Variants in SAA1 observed in about 807,000 individuals in gnomAD.
SAA1 encodes serum amyloid A-1 protein.
Under a neutral mutation model 9.8 loss-of-function variants are expected in SAA1, and 4 were observed. That is an observed-to-expected ratio of 0.41 (90% CI 0.20 to 0.93). The LOEUF is 0.93. Ranked by LOEUF, SAA1 falls within the 40% of genes least tolerant of loss-of-function variation. SAA1 has a pLI of 0.33. For missense variants in SAA1, 114 were observed against 155.5 expected, an observed-to-expected ratio of 0.73 and a Z score of 1.42; for synonymous variants, 47 against 57.7, an observed-to-expected ratio of 0.82 and a Z score of 0.84.
intron 2 of SAA1, among the ~76,000 whole-genome samples, chr11:18,268,562 G>A (rs1405049310): frequency 2.0e-5 from 3 of 151,738 alleles, no homozygotes; most frequent in Non-Finnish European, 2.9e-5. Flanking sequence ...GTCGGGGTGC[G>A]GTGGCTCACG....
chr11:18,269,626 T>C (rs1489545220), intron 3 of SAA1, 91 bp from the exon 4 acceptor site: 4 of 1,537,080 alleles, frequency 2.6e-6, no homozygotes, highest in South Asian at 1.2e-5. Flanking sequence ...GGCTCCTCTC[T>C]GAGCCCTCCC....
intron 2 of SAA1, among the ~76,000 whole-genome samples, chr11:18,268,831 TAAAAAAAAAAAAAAAAA>T (rs371021832): frequency 1.8e-5 from 2 of 110,594 alleles, no homozygotes; most frequent in South Asian, 3.1e-4. Flanking sequence ...AGACTCTGTC[TAAAAAAAAAAAAAAAAA>T]AAAAAAAAAA....
chr11:18,268,664 C>T (rs185125217), intron 2 of SAA1, among the ~76,000 whole-genome samples: 48 of 152,028 alleles, frequency 3.2e-4, no homozygotes, highest in African/African-American at 1.1e-3. Context: ...AAATCCCCGT[C>T]TCTACTAAAA....
intron 2 of SAA1, among the ~76,000 whole-genome samples, chr11:18,268,867 T>C (rs112287991): frequency 1.4e-5 from 1 of 72,462 alleles, no homozygotes; most frequent in Non-Finnish European, 2.8e-5. Flanking sequence ...AAAAAAAGAA[T>C]ATAAACTTTA....
intron 2 of SAA1, among the ~76,000 whole-genome samples, chr11:18,268,949 A>C (rs1375492895): frequency 6.6e-6 from 1 of 151,650 alleles, no homozygotes; most frequent in Non-Finnish European, 1.5e-5. Flanking sequence ...TACCTCATTC[A>C]TACACACTCC....
Position 18,269,956 on chromosome 11 carries a change from TAA to T in SAA1, c.*102_*103del. The T allele has an allele frequency of 1.0e-5, 16 of 1,547,986 alleles. No individual in the cohort carries two copies. Among genetic ancestry groups the T allele is most frequent in the Non-Finnish European group, 1.3e-5 (15 of 1,148,316 alleles). On this transcript the variant is annotated 3_prime_UTR_variant, in exon 4 of 4. Coordinates refer to ENST00000356524, the MANE Select transcript of SAA1 (RefSeq NM_199161.5). ...ACACAATGGGTATCTAATAAATACT[TAA>T]GAGGTGGAATTTGTGGAAACTGGGT...
At chr11:18,269,669 G>A in intron 3 of SAA1, 48 bp from the exon 4 acceptor site, 1 of 1,607,440 alleles carries the variant, frequency 6.2e-7, no homozygotes, top group Non-Finnish European at 8.5e-7. Context: ...GTGGGCTATT[G>A]CTCACTGGCC....
chr11:18,269,228 T>A lies in SAA1; in HGVS notation c.125T>A (p.Met42Lys). 6.2e-7 allele frequency: 1 copy of A among 1,603,122 alleles called. No individual in the cohort carries two copies. Among genetic ancestry groups the A allele is most frequent in the Non-Finnish European group, 8.5e-7 (1 of 1,175,586 alleles). The stretch of plus-strand genomic sequence containing the variant: ...GACATGTGGAGAGCCTACTCTGACA[T>A]GAGAGAAGCCAATTACATCGGCTCA... Reference protein sequence around the residue: ...ARDMWRAYSDMREANYIGSDK... With the variant: ...ARDMWRAYSDKREANYIGSDK... Residue 42 changes from methionine (M) to lysine (K), a missense_variant, in exon 3 of 4, where the codon ATG becomes AAG. This residue lies in a region of SAA1 where 46 missense variants were observed against 100.8 expected (regional missense o/e 0.46). Transcript: ENST00000356524.
At chr11:18,269,089 A>T (rs76109393) in intron 2 of SAA1, 106 bp from the exon 3 acceptor site, 301,626 of 1,517,350 alleles carry the variant, frequency 0.2, 405 homozygotes, top group East Asian at 0.25. Flanking sequence ...CACAGGCTGA[A>T]AGCTTGAAGT....
rs1226683472 is a variant in SAA1 at position 18,269,744 on chromosome 11, C to G, written c.258C>G (p.Phe86Leu). 2 of 1,614,022 alleles carry G rather than the reference C, an allele frequency of 1.2e-6. No individual in the cohort carries two copies. The highest frequency in any genetic ancestry group is 1.7e-6 in the Non-Finnish European group (2 of 1,179,890). ...ATGCCAGAGAGAATATCCAGAGATTCTTTGGCCATGGTGCGGAGGACTCGC... is the reference window on the plus strand; with the variant it reads ...ATGCCAGAGAGAATATCCAGAGATTGTTTGGCCATGGTGCGGAGGACTCGC... Reference protein sequence around the residue: ...ITDARENIQRFFGHGAEDSLA... With the variant: ...ITDARENIQRLFGHGAEDSLA... Residue 86 changes from phenylalanine to leucine, a missense_variant, in exon 4 of 4, where the codon TTC becomes TTG. Transcript: ENST00000356524.
At chr11:18,268,204 C>T (rs984894321) in intron 2 of SAA1, among the ~76,000 whole-genome samples, 1 of 151,788 alleles carries the variant, frequency 6.6e-6, no homozygotes, top group Non-Finnish European at 1.5e-5. Context: ...AACCCCGTCT[C>T]TACTAAAAAT....
intron 3 of SAA1, among the ~76,000 whole-genome samples, 177 bp from the exon 4 acceptor site, chr11:18,269,540 T>C (rs553026688): frequency 4.6e-5 from 7 of 152,162 alleles, no homozygotes; most frequent in Non-Finnish European, 1.0e-4. Flanking sequence ...GTGCTGTTCA[T>C]CCAGCCTAGG....
Position 18,269,758 on chromosome 11 carries a change from C to G in SAA1, c.272C>G (p.Ala91Gly). 1 of 1,613,960 alleles carries G rather than the reference C, an allele frequency of 6.2e-7. No individual in the cohort carries two copies. Among genetic ancestry groups the G allele is most frequent in the South Asian group, 1.1e-5 (1 of 91,076 alleles). Residue 91 changes from alanine to glycine, a missense_variant, in exon 4 of 4, where the codon GCG becomes GGG. This residue lies in a region of SAA1 where 68 missense variants were observed against 54.7 expected (regional missense o/e 1.24). Transcript: ENST00000356524. ...ATCCAGAGATTCTTTGGCCATGGTGCGGAGGACTCGCTGGCTGATCAGGCT... is the reference window on the plus strand; with the variant it reads ...ATCCAGAGATTCTTTGGCCATGGTGGGGAGGACTCGCTGGCTGATCAGGCT... The part of the protein sequence containing the change: ...ENIQRFFGHG[A>G]EDSLADQAAN...
At chr11:18,268,819 C>T (rs1301767368) in intron 2 of SAA1, among the ~76,000 whole-genome samples, 3 of 75,532 alleles carry the variant, frequency 4.0e-5, no homozygotes, top group African/African-American at 1.1e-4. Context: ...GGCGACAGAG[C>T]AAGACTCTGT....
rs767154283 is a variant in SAA1 at position 18,269,827 on chromosome 11, G to A, written c.341G>A (p.Arg114Gln). The change falls in exon 4 of 4, where the codon CGA (arginine) becomes CAA (glutamine). Residue 114 changes from arginine (R) to glutamine (Q), a missense_variant. Arg to Gln is a conservative substitution (Grantham distance 43). Around this residue, in one of 2 missense-constraint regions of SAA1, gnomAD observed 68 missense variants for 54.7 expected, o/e 1.24. Transcript: ENST00000356524. ...AGTGGCAAAGACCCCAATCACTTCC[G>A]ACCTGCTGGCCTGCCTGAGAAATAC... ...GRSGKDPNHF[R>Q]PAGLPEKY is the part of the protein sequence containing the mutation. The A allele has an allele frequency of 1.1e-5, 17 of 1,614,040 alleles. No homozygotes were observed. In the Middle Eastern group the frequency reaches 8.2e-4, roughly 78 times the overall value.
rs768656074 is a variant in SAA1, at chr11:18,266,920, C to G, written c.33C>G (p.Ser11=). Reference sequence around the variant, plus strand: ...TTCTCACGGGCCTGGTTTTCTGCTCCTTGGTCCTGGGTGTCAGCAGCCGAA... The same window carrying G: ...TTCTCACGGGCCTGGTTTTCTGCTCGTTGGTCCTGGGTGTCAGCAGCCGAA... The part of the protein sequence containing the change: MKLLTGLVFC[S]LVLGVSSRSF... The change falls in exon 2 of 4, where the codon TCC becomes TCG. Residue 11 remains serine, a synonymous_variant. Transcript: ENST00000356524. 2 of 1,612,458 alleles carry G rather than the reference C, an allele frequency of 1.2e-6. No individual in the cohort carries two copies. Among genetic ancestry groups the G allele is most frequent in the East Asian group, 4.5e-5 (2 of 44,856 alleles).
intron 2 of SAA1, among the ~76,000 whole-genome samples, chr11:18,268,815 A>G (rs915731910): frequency 1.5e-5 from 2 of 137,086 alleles, no homozygotes; most frequent in African/African-American, 5.6e-5. Flanking sequence ...CCTGGGCGAC[A>G]GAGCAAGACT....
intron 2 of SAA1, among the ~76,000 whole-genome samples, chr11:18,268,546 C>A (rs1412241648): frequency 6.6e-6 from 1 of 151,996 alleles, no homozygotes; most frequent in African/African-American, 2.4e-5. Flanking sequence ...AGAATATATA[C>A]TTTAGGTCGG....
chr11:18,267,857 C>T (rs1246487623), intron 2 of SAA1, among the ~76,000 whole-genome samples: 2 of 136,256 alleles, frequency 1.5e-5, no homozygotes, highest in African/African-American at 2.7e-5. Flanking sequence ...GGACTTACTG[C>T]CAGTCAGCAG....
Sources: allele counts gnomAD v4.1 joint callset (sites outside exome capture counted in the v4.1 genomes callset), GRCh38; gene constraint gnomAD v4.1.1; regional missense constraint gnomAD v4.1.1; transcripts MANE v1.5; gene names NCBI Gene and HGNC (gene_info 2026-07-23, HGNC 2026-07-21).